The following CTBP2 variants were observed in gnomAD, a reference collection of about 807,000 sequenced individuals.
The protein encoded by CTBP2 is C-terminal-binding protein 2.
In CTBP2, 30 loss-of-function variants were observed where a neutral mutation model predicts 80.3. The ratio of observed to expected loss-of-function variants is 0.37; its 90% CI spans 0.28 to 0.51. The LOEUF (loss-of-function observed/expected upper bound fraction) is 0.51. Ranked by LOEUF, CTBP2 falls within the 20% of genes least tolerant of loss-of-function variation. CTBP2 has a pLI of 0.93. For synonymous variants in CTBP2, 594 were observed against 587.4 expected (o/e 1.01, Z -0.16); for missense variants, 1,212 against 1,375.3 (o/e 0.88, Z 1.88).
chr10:125,056,649 A>C (rs1963998133), intron 2 of CTBP2, among the ~76,000 whole-genome samples: 1 of 152,232 alleles, frequency 6.6e-6, no homozygotes, highest in South Asian at 2.1e-4. Flanking sequence ...TGGAAAGGTT[A>C]AATGACCAAC....
intron 1 of CTBP2, among the ~76,000 whole-genome samples, chr10:125,141,819 C>T (rs993819574): frequency 5.3e-5 from 8 of 152,216 alleles, no homozygotes; most frequent in Non-Finnish European, 2.9e-5. Flanking sequence ...ACAGTGAGCA[C>T]GCGGCAAACA....
intron 2 of CTBP2, among the ~76,000 whole-genome samples, chr10:125,040,777 C>T (rs1454173605): frequency 6.6e-6 from 1 of 152,182 alleles, no homozygotes; most frequent in Non-Finnish European, 1.5e-5. Context: ...GACTGCAGGT[C>T]TACCAGGTTT....
intron 2 of CTBP2, among the ~76,000 whole-genome samples, chr10:125,048,330 A>G (rs1447669541): frequency 1.3e-5 from 2 of 152,006 alleles, no homozygotes; most frequent in East Asian, 1.9e-4. Flanking sequence ...TTCTATCCCA[A>G]CTTAAGCTCT....
intron 2 of CTBP2, among the ~76,000 whole-genome samples, chr10:125,084,817 C>A (rs1590656601): frequency 6.6e-6 from 1 of 152,294 alleles, no homozygotes; most frequent in East Asian, 1.9e-4. Context: ...TTGAGATCCC[C>A]AAAACACGTC....
At chr10:125,042,801 G>A (rs1029739511) in intron 2 of CTBP2, among the ~76,000 whole-genome samples, 2 of 152,196 alleles carry the variant, frequency 1.3e-5, no homozygotes, top group Non-Finnish European at 2.9e-5. Context: ...TCTGGCTGAG[G>A]CTGGGAGGTA....
At position 125,026,802 on chromosome 10, in the gene CTBP2, C is replaced by T. The variant is rs765867961; in HGVS notation, c.958G>A (p.Val320Ile). The change falls in exon 1 of 9, where the codon GTC (valine) becomes ATC (isoleucine). Residue 320 changes from valine to isoleucine, a missense_variant. Around this residue, in one of 3 missense-constraint regions of CTBP2, gnomAD observed 848 missense variants for 782.3 expected, o/e 1.08. Coordinates refer to ENST00000309035, the MANE Select transcript of CTBP2 (RefSeq NM_022802.3). ...TCCGCGTCCTCCAGGGTAGCCAGGA[C>T]GGCCGGGGAGTCAAAGCCCTGCTGC... 4.0e-5 allele frequency: 64 copies of T among 1,613,160 alleles called. No homozygotes were observed. Among genetic ancestry groups the T allele is most frequent in the Non-Finnish European group, 4.5e-5 (53 of 1,179,984 alleles).
intron 1 of CTBP2, among the ~76,000 whole-genome samples, chr10:125,135,628 C>T (rs1411825616): frequency 6.6e-6 from 1 of 152,244 alleles, no homozygotes; most frequent in East Asian, 1.9e-4. Flanking sequence ...TAGCCCTCCT[C>T]TCCATCCCCA....
chr10:125,135,669 AT>A (rs1374193812), intron 1 of CTBP2, among the ~76,000 whole-genome samples: 8 of 152,046 alleles, frequency 5.3e-5, no homozygotes, highest in Non-Finnish European at 1.2e-4. Flanking sequence ...TATGGAGCTC[AT>A]TCCACTGCAT....
At chr10:125,100,688 A>G (rs1850480414) in intron 2 of CTBP2, 1 of 152,256 alleles carries the variant, frequency 6.6e-6, no homozygotes, top group Admixed American at 6.5e-5. Context: ...AAAAACGCGA[A>G]TAACATAAAA....
intron 2 of CTBP2, among the ~76,000 whole-genome samples, chr10:125,060,528 C>T (rs572578668): frequency 6.6e-6 from 1 of 151,304 alleles, no homozygotes; most frequent in East Asian, 2.0e-4. Flanking sequence ...TGCGGCTTAC[C>T]TGCAACACTG....
chr10:125,054,587 A>T (rs2135250767), intron 2 of CTBP2, among the ~76,000 whole-genome samples: 1 of 152,374 alleles, frequency 6.6e-6, no homozygotes, highest in East Asian at 1.9e-4. Flanking sequence ...AGTGCAAGAC[A>T]ATAAAGTTTT....
At chr10:125,016,681 C>T (rs1956530076) in intron 1 of CTBP2, among the ~76,000 whole-genome samples, 1 of 152,224 alleles carries the variant, frequency 6.6e-6, no homozygotes, top group Non-Finnish European at 1.5e-5. Context: ...AGGCCAAGGG[C>T]CAAGAGCGCT....
intron 1 of CTBP2, among the ~76,000 whole-genome samples, chr10:125,149,025 T>C (rs1859328078): frequency 6.6e-6 from 1 of 152,174 alleles, no homozygotes; most frequent in African/African-American, 2.4e-5. Context: ...GCCTCAGAGC[T>C]GCGGCAGGTC....
At position 125,143,228 on chromosome 10, in the gene CTBP2, C is replaced by G. The variant is rs201034288; in HGVS notation, c.-206+17091G>C. ...GCCGGCCGGGTGTGTTGGCTCACAC[C>G]TGTAATCCCAGCACTTTGGGAGGCT... On this transcript the variant is annotated intron_variant, in intron 1 of 10. Transcript: ENST00000337195. Among the ~76,000 whole-genome samples, 19 of 152,308 alleles carry G rather than the reference C, an allele frequency of 1.2e-4. No individual in the cohort carries two copies. In the East Asian group the frequency reaches 2.5e-3, roughly 20 times the overall value.
At chr10:125,161,655 CTG>C (rs1861903919), upstream of CTBP2, among the ~76,000 whole-genome samples, 2 of 151,968 alleles carry the variant, frequency 1.3e-5, no homozygotes, top group African/African-American at 2.4e-5. Flanking sequence ...GAAGGGCCCT[CTG>C]TGCTGCAAGT....
intron 1 of CTBP2, among the ~76,000 whole-genome samples, chr10:125,132,499 A>T (rs191734171): frequency 7.1e-4 from 108 of 152,328 alleles, no homozygotes; most frequent in Non-Finnish European, 1.4e-3. Context: ...GCAGTCAAAC[A>T]GCTGGCGAGG....
intron 2 of CTBP2, among the ~76,000 whole-genome samples, chr10:125,099,555 G>C (rs1024846575): frequency 6.6e-6 from 1 of 152,192 alleles, no homozygotes; most frequent in Non-Finnish European, 1.5e-5. Context: ...TTTTCAGGGG[G>C]CAGCTTTCAA....
chr10:125,089,139 T>C (rs1350941057), intron 2 of CTBP2, among the ~76,000 whole-genome samples: 3 of 152,236 alleles, frequency 2.0e-5, no homozygotes, highest in Non-Finnish European at 4.4e-5. Flanking sequence ...CTACATAGTA[T>C]TTCAGAGCCG....
intron 1 of CTBP2, among the ~76,000 whole-genome samples, chr10:125,020,713 G>C (rs537503765): frequency 1.3e-5 from 2 of 152,156 alleles, no homozygotes; most frequent in Non-Finnish European, 2.9e-5. Context: ...TCCAGATGCG[G>C]CGAGGAGCCC....
Sources: gnomAD v4.1 joint callset for allele counts (sites outside exome capture counted in the v4.1 genomes callset) on GRCh38, gnomAD v4.1.1 for gene constraint, gnomAD v4.1.1 regional missense constraint, MANE v1.5 for transcripts, NCBI Gene and HGNC (gene_info 2026-07-23, HGNC 2026-07-21) for gene names.